CAPZA2: variants seen among roughly 807,000 people sequenced by gnomAD.
The protein encoded by CAPZA2 is capping actin protein of muscle Z-line subunit alpha 2.
In CAPZA2, 13 loss-of-function variants were observed where a neutral mutation model predicts 44.0. The ratio of observed to expected loss-of-function variants is 0.30; its 90% CI spans 0.19 to 0.47. The LOEUF is 0.47. CAPZA2 is among the 20% of genes least tolerant of loss of function. The pLI, the probability that CAPZA2 is intolerant of heterozygous loss-of-function variation, is 1.00. For missense variants in CAPZA2, 244 were observed against 338.6 expected (o/e 0.72, Z 2.19); for synonymous variants, 94 against 108.2 (o/e 0.87, Z 0.81).
intron 1 of CAPZA2, chr7:116,875,572 G>A (rs1228106803): frequency 2.6e-5 from 4 of 151,576 alleles, no homozygotes; most frequent in African/African-American, 7.3e-5. Flanking sequence ...TTTGAGACAG[G>A]GTCTTGCTCT....
At chr7:116,889,756 A>G (rs1796806749) in intron 2 of CAPZA2, among the ~76,000 whole-genome samples, 1 of 152,216 alleles carries the variant, frequency 6.6e-6, no homozygotes, top group Admixed American at 6.5e-5. Context: ...TTAAAATTTA[A>G]CTACTGAGCT....
chr7:116,915,857 G>A, intron 8 of CAPZA2: 1 of 332,718 alleles, frequency 3.0e-6, no homozygotes, highest in South Asian at 4.9e-5. Context: ...TGAACATTGA[G>A]ACCAGCTTAT....
chr7:116,864,495 A>G (rs1196242548), intron 1 of CAPZA2, among the ~76,000 whole-genome samples: 2 of 152,176 alleles, frequency 1.3e-5, no homozygotes, highest in Non-Finnish European at 1.5e-5. Context: ...GTTTTGTAAG[A>G]ATATTATGTA....
chr7:116,914,607 G>T (rs1032707122), intron 8 of CAPZA2, among the ~76,000 whole-genome samples: 32 of 152,146 alleles, frequency 2.1e-4, no homozygotes, highest in Admixed American at 7.9e-4. Flanking sequence ...GACTATAGGC[G>T]TGTGCCACCA....
intron 1 of CAPZA2, among the ~76,000 whole-genome samples, chr7:116,870,312 C>A (rs778021874): frequency 3.5e-4 from 53 of 152,106 alleles, no homozygotes; most frequent in Non-Finnish European, 7.1e-4. Flanking sequence ...TGGGGTCAAG[C>A]TCATACCAGA....
At chr7:116,911,522 T>G (rs1445429795) in intron 7 of CAPZA2, among the ~76,000 whole-genome samples, 1 of 152,182 alleles carries the variant, frequency 6.6e-6, no homozygotes, top group Non-Finnish European at 1.5e-5. Context: ...TGAAGCCTTT[T>G]TTAACCCTCA....
At chr7:116,902,352 A>G (rs1180559762) in intron 4 of CAPZA2, among the ~76,000 whole-genome samples, 1 of 152,174 alleles carries the variant, frequency 6.6e-6, no homozygotes, top group Non-Finnish European at 1.5e-5. Flanking sequence ...AATGAAGCCT[A>G]TCTTAAAGAA....
chr7:116,874,504 A>G (rs1240036188), intron 1 of CAPZA2: 3 of 152,374 alleles, frequency 2.0e-5, no homozygotes, highest in African/African-American at 7.2e-5. Context: ...GGCACGTTGT[A>G]TACAATCTGA....
At chr7:116,879,247 A>G (rs1463997119) in intron 1 of CAPZA2, among the ~76,000 whole-genome samples, 1 of 152,018 alleles carries the variant, frequency 6.6e-6, no homozygotes, top group Non-Finnish European at 1.5e-5. Context: ...ACCCAAGGTC[A>G]CATCGCTAAT....
chr7:116,891,150 G>A (rs993057405), intron 2 of CAPZA2, among the ~76,000 whole-genome samples: 1 of 152,114 alleles, frequency 6.6e-6, no homozygotes, highest in Non-Finnish European at 1.5e-5. Context: ...TCTTCTTTAA[G>A]AGAAATATTT....
intron 1 of CAPZA2, among the ~76,000 whole-genome samples, chr7:116,863,650 C>T (rs536893243): frequency 3.7e-4 from 56 of 152,182 alleles, no homozygotes; most frequent in African/African-American, 1.3e-3. Flanking sequence ...GACTGTTTCT[C>T]GGAAAGGACC....
intron 4 of CAPZA2, among the ~76,000 whole-genome samples, chr7:116,900,985 G>A (rs1428116098): frequency 6.6e-6 from 1 of 152,036 alleles, no homozygotes; most frequent in African/African-American, 2.4e-5. Context: ...CAATCAGAAT[G>A]GCTATTATTA....
chr7:116,912,490 T>A (rs144663628), intron 8 of CAPZA2, among the ~76,000 whole-genome samples: 367 of 152,252 alleles, frequency 2.4e-3, no homozygotes, highest in African/African-American at 8.1e-3. Flanking sequence ...ACCCAGCCCT[T>A]CCCCCAGAAC....
intron 7 of CAPZA2, among the ~76,000 whole-genome samples, chr7:116,911,035 T>TTAGTTAATATGGC (rs1791589168): frequency 6.7e-6 from 1 of 150,090 alleles, no homozygotes; most frequent in African/African-American, 2.5e-5. Context: ...GTTTGAAGAT[T>TTAGTTAATATGGC]TAGTTAATAT....
intron 1 of CAPZA2, chr7:116,874,005 T>C (rs1796587522): frequency 6.5e-6 from 1 of 152,826 alleles, no homozygotes; most frequent in South Asian, 2.1e-4. Flanking sequence ...AATGTAGGTG[T>C]AAGATTGTAC....
In CAPZA2 at chr7:116,904,377, C is replaced by T; in HGVS notation, c.420C>T (p.Val140=). 1 of 1,604,678 alleles carries T rather than the reference C, an allele frequency of 6.2e-7. No individual in the cohort carries two copies. Among genetic ancestry groups the T allele is most frequent in the Non-Finnish European group, 8.5e-7 (1 of 1,171,462 alleles). ...TAAAAGAACATTACCCGAATGGAGT[C>T]TGCACTGTAAGTCATCAGTAGCAGC... ...AYVKEHYPNG[V]CTVYGKKIDG... The change falls in exon 5 of 10, where the codon GTC becomes GTT. Residue 140 remains valine (V), a synonymous_variant. Transcript: ENST00000361183.
At chr7:116,876,989 C>G (rs563870657) in intron 1 of CAPZA2, among the ~76,000 whole-genome samples, 1 of 152,150 alleles carries the variant, frequency 6.6e-6, no homozygotes, top group Non-Finnish European at 1.5e-5. Context: ...AAGGGCTGGC[C>G]GGGACCCAAA....
At chr7:116,869,171 C>A (rs912260896) in intron 1 of CAPZA2, among the ~76,000 whole-genome samples, 1 of 152,080 alleles carries the variant, frequency 6.6e-6, no homozygotes, top group African/African-American at 2.4e-5. Context: ...GTTATTATAG[C>A]AATAATTTGT....
At chr7:116,884,179 C>T (rs1401650427) in intron 1 of CAPZA2, among the ~76,000 whole-genome samples, 12 of 152,156 alleles carry the variant, frequency 7.9e-5, no homozygotes, top group Non-Finnish European at 1.2e-4. Flanking sequence ...GCTATTTATA[C>T]TTTACATTTT....
Sources: allele counts gnomAD v4.1 joint callset (sites outside exome capture counted in the v4.1 genomes callset), GRCh38; gene constraint gnomAD v4.1.1; transcripts MANE v1.5; gene names NCBI Gene and HGNC (gene_info 2026-07-23, HGNC 2026-07-21).